SLIT2: variants seen among roughly 807,000 people sequenced by gnomAD.
SLIT2 encodes the protein slit homolog 2 protein.
A neutral mutation model predicts 185.7 loss-of-function variants in SLIT2; 41 were observed. That is an observed-to-expected ratio of 0.22 (90% confidence interval 0.17 to 0.29). The LOEUF is 0.29. Among genes scored for constraint, SLIT2 ranks in the 10% least tolerant of loss-of-function variants. SLIT2 has a pLI of 1.00. For synonymous variants in SLIT2, 693 were observed against 680.2 expected (o/e 1.02, Z -0.29); for missense variants, 1,571 against 1,909.0 (o/e 0.82, Z 3.30).
chr4:20,387,280 A>G lies in SLIT2; in HGVS notation c.396-80472A>G, dbSNP rs534536828. Among the ~76,000 whole-genome samples, 87 of 152,250 alleles carry G rather than the reference A, an allele frequency of 5.7e-4. No homozygotes were observed. In the South Asian group the frequency reaches 0.014, roughly 25 times the overall value. ...GTTTACGTTAGTTATATCTATTGAT[A>G]TTTATTGTATTGGAACTTAAAACTG... On this transcript the variant is annotated intron_variant, in intron 4 of 36. Transcript: ENST00000504154.
chr4:20,510,548 A>T lies in SLIT2; in HGVS notation c.968A>T (p.Tyr323Phe), dbSNP rs773670499. ...ATCCCTCCTGGAGCTTTCTCACCAT[A>T]TAAAAAGCTTAGACGAATGTGAGTG... ...KVIPPGAFSP[Y>F]KKLRRIDLSN... The change falls in exon 10 of 37, where the codon TAT becomes TTT. Residue 323 changes from tyrosine to phenylalanine, a missense_variant. Physicochemically the swap from Tyr to Phe is conservative, Grantham distance 22 (BLOSUM62 3). Around this residue, in one of 3 missense-constraint regions of SLIT2, gnomAD observed 1,202 missense variants for 1,416.4 expected, o/e 0.85. Coordinates refer to ENST00000504154, the MANE Select transcript of SLIT2 (RefSeq NM_004787.4). 1.9e-6 allele frequency: 3 copies of T among 1,606,532 alleles called. No homozygotes were observed. The East Asian group carries it at 6.7e-5, about 36-fold the overall frequency.
At position 20,268,834 on chromosome 4, in the gene SLIT2, G is replaced by A. The variant is rs1437402585; in HGVS notation, c.348G>A (p.Gln116=). Reference sequence around the variant, plus strand: ...GGCGTTTAAACAGAAATCACCTTCAGCTGTTTCCTGAGTTGCTGTTTCTTG... The same window carrying A: ...GGCGTTTAAACAGAAATCACCTTCAACTGTTTCCTGAGTTGCTGTTTCTTG... The part of the protein sequence containing the change: ...ERLRLNRNHL[Q]LFPELLFLGT... The change falls in exon 4 of 37, where the codon CAG becomes CAA. Residue 116 remains glutamine, a synonymous_variant. Coordinates refer to ENST00000504154, the MANE Select transcript of SLIT2 (RefSeq NM_004787.4). The A allele has an allele frequency of 4.3e-6, 7 of 1,611,216 alleles. No homozygotes were observed. The highest frequency in any genetic ancestry group is 1.1e-5 in the South Asian group (1 of 91,012).
chr4:20,418,536 C>T (rs1727890427), intron 4 of SLIT2, among the ~76,000 whole-genome samples: 1 of 152,172 alleles, frequency 6.6e-6, no homozygotes, highest in Admixed American at 6.5e-5. Context: ...ATTTAATTTA[C>T]TTTGATGAAA....
chr4:20,267,580 C>T (rs1296541259), intron 3 of SLIT2, among the ~76,000 whole-genome samples: 3 of 151,794 alleles, frequency 2.0e-5, no homozygotes, highest in Admixed American at 6.6e-5. Flanking sequence ...ATAGCCTCTG[C>T]TTGAATACAT....
chr4:20,478,302 A>G (rs1173315878), intron 5 of SLIT2, among the ~76,000 whole-genome samples: 1 of 152,222 alleles, frequency 6.6e-6, no homozygotes, highest in Non-Finnish European at 1.5e-5. Flanking sequence ...GAGAACTTTT[A>G]AGGAAAACCT....
intron 4 of SLIT2, among the ~76,000 whole-genome samples, chr4:20,319,535 A>AAT (rs1183205752): frequency 3.3e-5 from 5 of 152,178 alleles, no homozygotes; most frequent in African/African-American, 1.2e-4. Context: ...GTGTAACAAT[A>AAT]ATAGCACTTG....
At chr4:20,476,168 G>A (rs1476529542) in intron 5 of SLIT2, among the ~76,000 whole-genome samples, 1 of 151,786 alleles carries the variant, frequency 6.6e-6, no homozygotes, top group Non-Finnish European at 1.5e-5. Context: ...TTATATCTGG[G>A]GCTACTCTTT....
intron 4 of SLIT2, among the ~76,000 whole-genome samples, chr4:20,460,274 G>A (rs909045497): frequency 1.3e-5 from 2 of 151,872 alleles, no homozygotes; most frequent in African/African-American, 4.8e-5. Context: ...CCCTGCCTTT[G>A]TTTATCATAT....
chr4:20,469,406 G>A lies in SLIT2; in HGVS notation c.467+1583G>A, dbSNP rs140476589. 7.0e-3 allele frequency among the ~76,000 whole-genome samples: 1,062 copies of A among 152,100 alleles called. 14 individuals are homozygous for A. Among genetic ancestry groups the A allele is most frequent in the African/African-American group, 0.011 (443 of 41,512 alleles). ...GCCCTCCTCCCACATTTAAGGATAC[G>A]CATGGAAATAGGGACCAGTCAGTCA... is the stretch of plus-strand genomic sequence containing the variant. On this transcript the variant is annotated intron_variant, in intron 5 of 36. Coordinates refer to ENST00000504154, the MANE Select transcript of SLIT2 (RefSeq NM_004787.4).
chr4:20,575,473 A>G (rs12509283), intron 29 of SLIT2, among the ~76,000 whole-genome samples: 14 of 152,202 alleles, frequency 9.2e-5, no homozygotes, highest in Admixed American at 8.5e-4. Context: ...AAAAACTTCT[A>G]TGAAACAACG....
rs1193864371 is a variant in SLIT2 at position 20,472,633 on chromosome 4, T to A, written c.467+4810T>A. On this transcript the variant is annotated intron_variant, in intron 5 of 36. Coordinates refer to ENST00000504154, the MANE Select transcript of SLIT2 (RefSeq NM_004787.4). ...ATCTATATATATCGATATATCTATA[T>A]ATATCGATATATATATTTAAAAGCC... Among the ~76,000 whole-genome samples the A allele has an allele frequency of 1.5e-5, 2 of 136,630 alleles. 1 individual carries two copies. The highest frequency in any genetic ancestry group is 5.3e-5 in the African/African-American group (2 of 37,478). 89.6% of individuals were successfully genotyped at this position (136,630 alleles called of 152,430 possible). A position where few individuals can be genotyped will look rare whatever the true frequency, so the allele number is the denominator to read the frequency against.
intron 4 of SLIT2, among the ~76,000 whole-genome samples, chr4:20,321,841 A>C (rs755904723): frequency 6.6e-6 from 1 of 152,132 alleles, no homozygotes; most frequent in Non-Finnish European, 1.5e-5. Context: ...TCATGTTTAA[A>C]CTTTATCAGT....
Position 20,470,454 on chromosome 4 carries a change from T to A in SLIT2, c.467+2631T>A, listed in dbSNP as rs1209393615. Among the ~76,000 whole-genome samples, 4 of 149,594 alleles carry A rather than the reference T, an allele frequency of 2.7e-5. No homozygotes were observed. The East Asian group carries it at 7.9e-4, about 30-fold the overall frequency. On this transcript the variant is annotated intron_variant, in intron 5 of 36. Coordinates refer to ENST00000504154, the MANE Select transcript of SLIT2 (RefSeq NM_004787.4). The stretch of plus-strand genomic sequence containing the variant: ...TGAAGTTATCAGGGAATGGTTAGAT[T>A]GGAAGAGTAAAACCATAGTGCAGTG...
chr4:20,345,156 C>A lies in SLIT2; in HGVS notation c.395+76275C>A, dbSNP rs544806649. 1.5e-3 allele frequency among the ~76,000 whole-genome samples: 222 copies of A among 152,240 alleles called. 1 individual carries two copies. The highest frequency in any genetic ancestry group is 5.2e-3 in the African/African-American group (217 of 41,536). On this transcript the variant is annotated intron_variant, in intron 4 of 36. Transcript: ENST00000504154. ...GATTTTAAGTTTGCATCCTATGAGGCAGGTAAGAAATTAAATCTCAATCAT... is the reference window on the plus strand; with the variant it reads ...GATTTTAAGTTTGCATCCTATGAGGAAGGTAAGAAATTAAATCTCAATCAT...
intron 6 of SLIT2, among the ~76,000 whole-genome samples, chr4:20,482,295 A>G (rs565231686): frequency 1.2e-4 from 18 of 152,138 alleles, no homozygotes; most frequent in African/African-American, 4.3e-4. Flanking sequence ...ATTAAATCCC[A>G]TAAATTACCT....
chr4:20,335,212 G>T (rs1720395292), intron 4 of SLIT2, among the ~76,000 whole-genome samples: 1 of 152,084 alleles, frequency 6.6e-6, no homozygotes, highest in Admixed American at 6.6e-5. Flanking sequence ...CCATATCAGG[G>T]AGCTTGAGTG....
chr4:20,423,748 A>T (rs1344630498), intron 4 of SLIT2, among the ~76,000 whole-genome samples: 1 of 152,174 alleles, frequency 6.6e-6, no homozygotes, highest in Non-Finnish European at 1.5e-5. Flanking sequence ...ACATAATGCA[A>T]ATATAAATGT....
At chr4:20,301,885 C>T (rs1302028964) in intron 4 of SLIT2, among the ~76,000 whole-genome samples, 1 of 152,144 alleles carries the variant, frequency 6.6e-6, no homozygotes, top group Non-Finnish European at 1.5e-5. Flanking sequence ...GCTAAATGTT[C>T]ATCAGGCTCA....
intron 4 of SLIT2, among the ~76,000 whole-genome samples, chr4:20,289,239 A>C (rs1715574935): frequency 6.6e-6 from 1 of 152,208 alleles, no homozygotes; most frequent in African/African-American, 2.4e-5. Flanking sequence ...TGTGAATAAA[A>C]TGGAACCTCT....
Sources: gnomAD v4.1 joint callset for allele counts (sites outside exome capture counted in the v4.1 genomes callset) on GRCh38, gnomAD v4.1.1 for gene constraint, gnomAD v4.1.1 regional missense constraint, MANE v1.5 for transcripts, NCBI Gene and HGNC (gene_info 2026-07-23, HGNC 2026-07-21) for gene names.